Variants in FNDC3A observed in about 807,000 individuals in gnomAD.
The protein encoded by FNDC3A is fibronectin type-III domain-containing protein 3A.
FNDC3A carries 32 observed loss-of-function variants against 148.9 expected under a neutral mutation model. The ratio of observed to expected loss-of-function variants is 0.21; its 90% CI spans 0.16 to 0.29. The LOEUF (loss-of-function observed/expected upper bound fraction) is 0.29, where lower values mean the gene tolerates loss of function less well. Among genes scored for constraint, FNDC3A ranks in the 10% least tolerant of loss-of-function variants. The probability of loss-of-function intolerance (pLI) is 1.00; values close to 1 mark genes in which losing one functional copy is unlikely to be tolerated. For missense variants in FNDC3A, 1,191 were observed against 1,452.8 expected (o/e 0.82, Z 2.93); for synonymous variants, 472 against 473.6 (o/e 1.00, Z 0.04).
At chr13:49,144,395 C>G (rs549794664) in intron 7 of FNDC3A, among the ~76,000 whole-genome samples, 1 of 151,940 alleles carries the variant, frequency 6.6e-6, no homozygotes, top group Non-Finnish European at 1.5e-5. Flanking sequence ...ATTCAGACTT[C>G]GAGAACTTTG....
chr13:49,200,123 A>G lies in FNDC3A; in HGVS notation c.2987+1549A>G, dbSNP rs566170463. 2.6e-5 allele frequency among the ~76,000 whole-genome samples: 4 copies of G among 152,312 alleles called. No homozygotes were observed. The East Asian group carries it at 7.7e-4, about 29-fold the overall frequency. On this transcript the variant is annotated intron_variant, in intron 23 of 25. Coordinates refer to ENST00000492622, the MANE Select transcript of FNDC3A (RefSeq NM_001079673.2). ...TTTGCTTTTCTACTTTTCACTGAAT[A>G]TATTAGAAACAATTTCCAAATCTGA...
chr13:49,043,207 C>T (rs1044649620), intron 2 of FNDC3A, among the ~76,000 whole-genome samples: 1 of 151,814 alleles, frequency 6.6e-6, no homozygotes, highest in Admixed American at 6.6e-5. Flanking sequence ...CTCAAGGTAT[C>T]CTCCCATCTT....
chr13:49,063,370 T>C (rs1424029351), intron 2 of FNDC3A, among the ~76,000 whole-genome samples: 1 of 152,080 alleles, frequency 6.6e-6, no homozygotes, highest in Non-Finnish European at 1.5e-5. Context: ...AAAATAATCA[T>C]GTAATATAAA....
At chr13:49,036,725 A>G (rs1242375170) in intron 2 of FNDC3A, among the ~76,000 whole-genome samples, 1 of 152,220 alleles carries the variant, frequency 6.6e-6, no homozygotes, top group African/African-American at 2.4e-5. Context: ...AGAAGGATGT[A>G]CAGAGTGCTT....
chr13:49,076,493 C>T (rs1016832565), intron 3 of FNDC3A, among the ~76,000 whole-genome samples: 21 of 151,824 alleles, frequency 1.4e-4, no homozygotes, highest in African/African-American at 4.8e-4. Flanking sequence ...GATCCGCCCA[C>T]CTCAGCCTCC....
At chr13:49,134,395 T>C (rs1320334239) in intron 5 of FNDC3A, among the ~76,000 whole-genome samples, 1 of 152,250 alleles carries the variant, frequency 6.6e-6, no homozygotes, top group Non-Finnish European at 1.5e-5. Context: ...TTTTTATGGC[T>C]GCAATAATAT....
intron 14 of FNDC3A, among the ~76,000 whole-genome samples, chr13:49,182,017 C>T (rs2138080686): frequency 6.6e-6 from 1 of 152,092 alleles, no homozygotes; most frequent in Non-Finnish European, 1.5e-5. Context: ...GGGCTCACAC[C>T]ATCACCCAGG....
At chr13:49,076,973 T>C (rs1417602225) in intron 3 of FNDC3A, among the ~76,000 whole-genome samples, 3 of 152,182 alleles carry the variant, frequency 2.0e-5, no homozygotes, top group Non-Finnish European at 4.4e-5. Context: ...AACTAATAGT[T>C]ATTGCTTTAG....
chr13:49,195,555 CCTT>C (rs1351732004), intron 19 of FNDC3A, among the ~76,000 whole-genome samples: 1 of 151,988 alleles, frequency 6.6e-6, no homozygotes, highest in Non-Finnish European at 1.5e-5. Flanking sequence ...GTTGGTTTCA[CCTT>C]CTTAAGGTTT....
intron 7 of FNDC3A, among the ~76,000 whole-genome samples, chr13:49,144,013 GCTACTACTACTA>G (rs1236746605): frequency 4.2e-5 from 6 of 142,124 alleles, no homozygotes; most frequent in African/African-American, 1.6e-4. Context: ...TACTACTACT[GCTACTACTACTA>G]CTACTACTAA....
intron 2 of FNDC3A, among the ~76,000 whole-genome samples, chr13:49,075,041 T>C (rs1345346046): frequency 6.6e-6 from 1 of 152,196 alleles, no homozygotes; most frequent in African/African-American, 2.4e-5. Context: ...TGAAGTTTAT[T>C]GACTTTTCTT....
At chr13:49,101,904 C>T (rs920372874) in intron 3 of FNDC3A, among the ~76,000 whole-genome samples, 3 of 151,264 alleles carry the variant, frequency 2.0e-5, no homozygotes, top group African/African-American at 4.9e-5. Context: ...AACTTAACAG[C>T]GTGGTCCTTG....
chr13:49,013,633 T>C (rs1952418281), intron 2 of FNDC3A, among the ~76,000 whole-genome samples: 1 of 150,732 alleles, frequency 6.6e-6, no homozygotes, highest in Non-Finnish European at 1.5e-5. Flanking sequence ...TGTATACATG[T>C]ATACATGTAC....
At chr13:49,056,790 A>T (rs575380300) in intron 2 of FNDC3A, among the ~76,000 whole-genome samples, 1 of 152,240 alleles carries the variant, frequency 6.6e-6, no homozygotes, top group African/African-American at 2.4e-5. Flanking sequence ...CTGTTTTCAT[A>T]GTTTATTATC....
chr13:49,110,352 G>T, intron 3 of FNDC3A: 1 of 1,609,148 alleles, frequency 6.2e-7, no homozygotes, highest in Non-Finnish European at 8.5e-7. Flanking sequence ...GTACTACGCT[G>T]TTTCCTTGTT....
intron 8 of FNDC3A, among the ~76,000 whole-genome samples, chr13:49,162,296 T>C (rs776641840): frequency 1.3e-5 from 2 of 152,198 alleles, no homozygotes; most frequent in Non-Finnish European, 2.9e-5. Flanking sequence ...CTTGGAGGCT[T>C]CTTTCGTTTC....
rs988538384 is a variant in FNDC3A, at chr13:49,179,898, A to G, written c.1617+1244A>G. 2.0e-5 allele frequency among the ~76,000 whole-genome samples: 3 copies of G among 152,356 alleles called. 1 individual carries two copies. The Middle Eastern group carries it at 0.01, about 518-fold the overall frequency. On this transcript the variant is annotated intron_variant, in intron 14 of 25. Transcript: ENST00000492622. ...TAGTGGACAGTGATATTTAGGAATC[A>G]AGATCTAGATACTAAGTATACTTAA...
intron 2 of FNDC3A, among the ~76,000 whole-genome samples, chr13:49,028,437 C>T (rs1224003051): frequency 2.0e-5 from 3 of 151,930 alleles, no homozygotes; most frequent in East Asian, 1.9e-4. Context: ...AACCGAATCT[C>T]GCTTGTTGCC....
intron 2 of FNDC3A, among the ~76,000 whole-genome samples, chr13:49,027,196 C>T (rs953922897): frequency 3.5e-4 from 53 of 152,152 alleles, no homozygotes; most frequent in African/African-American, 1.2e-3. Context: ...TTCTGATCCC[C>T]CAGTCTCAGT....
Sources: gnomAD v4.1 joint callset for allele counts (sites outside exome capture counted in the v4.1 genomes callset) on GRCh38, gnomAD v4.1.1 for gene constraint, MANE v1.5 for transcripts, NCBI Gene and HGNC (gene_info 2026-07-23, HGNC 2026-07-21) for gene names.